Variants in ELOVL5 observed in about 807,000 individuals in gnomAD.
ELOVL5 encodes ELOVL fatty acid elongase 5, also known as very long chain fatty acid elongase 5.
Under a neutral mutation model 38.6 loss-of-function variants are expected in ELOVL5, and 8 were observed. The observed-to-expected ratio is 0.21, with a 90% CI of 0.12 to 0.37. ELOVL5 has a LOEUF of 0.37. ELOVL5 is among the 10% of genes least tolerant of loss of function. ELOVL5 has a pLI of 1.00. For missense variants in ELOVL5, 280 were observed against 367.8 expected, an observed-to-expected ratio of 0.76 and a Z score of 1.95; for synonymous variants, 127 against 133.7, an observed-to-expected ratio of 0.95 and a Z score of 0.34.
intron 3 of ELOVL5, among the ~76,000 whole-genome samples, chr6:53,288,822 T>G (rs573897277): frequency 1.3e-4 from 20 of 152,310 alleles, no homozygotes; most frequent in Middle Eastern, 3.4e-3. Flanking sequence ...TCTCAGCACT[T>G]TGGGAGGCAG....
At chr6:53,319,012 A>G (rs1768168334) in intron 1 of ELOVL5, among the ~76,000 whole-genome samples, 1 of 152,076 alleles carries the variant, frequency 6.6e-6, no homozygotes, top group Non-Finnish European at 1.5e-5. Flanking sequence ...GGCCGGGTGC[A>G]GTGGCTCATG....
intron 5 of ELOVL5, 106 bp downstream of exon 5, chr6:53,274,984 A>C: frequency 9.0e-7 from 1 of 1,107,080 alleles, no homozygotes; most frequent in Non-Finnish European, 1.3e-6. Flanking sequence ...CAAAGCTGAA[A>C]GCCTGACCTA....
rs758134497 is a variant in ELOVL5, at chr6:53,276,271, A to C, written c.247-15T>G. On this transcript the variant is annotated splice_polypyrimidine_tract_variant and intron_variant, in intron 3 of 7. Coordinates refer to ENST00000304434, the MANE Select transcript of ELOVL5 (RefSeq NM_021814.5). ...CCTGTTACTAACTAAAAAAGAAGAAAGAGCCAGTCACCAACAGCATCTGAG... is the reference window on the plus strand; with the variant it reads ...CCTGTTACTAACTAAAAAAGAAGAACGAGCCAGTCACCAACAGCATCTGAG... 128 of 1,559,958 alleles carry C rather than the reference A, an allele frequency of 8.2e-5. No homozygotes were observed. Among genetic ancestry groups the C allele is most frequent in the Non-Finnish European group, 1.1e-4 (124 of 1,131,104 alleles).
intron 1 of ELOVL5, among the ~76,000 whole-genome samples, chr6:53,328,802 C>A (rs1283301278): frequency 1.3e-5 from 2 of 152,120 alleles, no homozygotes; most frequent in African/African-American, 4.8e-5. Flanking sequence ...GCTATTAATG[C>A]TACACTGAGA....
Position 53,268,802 on chromosome 6 carries a change from TAC to T in ELOVL5, c.*323_*324del, listed in dbSNP as rs1303240010. ...TACAGTTAAAAAAAAAAGTTTGGATTACAGTGTTTTTAAATTGTGAATCACAA... is the reference window on the plus strand; with the variant it reads ...TACAGTTAAAAAAAAAAGTTTGGATTAGTGTTTTTAAATTGTGAATCACAA... On this transcript the variant is annotated 3_prime_UTR_variant, in exon 8 of 8. Coordinates refer to ENST00000304434, the MANE Select transcript of ELOVL5 (RefSeq NM_021814.5). 5.1e-6 allele frequency: 1 copy of T among 194,778 alleles called. No homozygotes were observed. The highest frequency in any genetic ancestry group is 1.0e-5 in the Non-Finnish European group (1 of 96,488). 12.1% of individuals were successfully genotyped at this position (194,778 alleles called of 1,614,324 possible).
At chr6:53,314,249 C>T (rs209490) in intron 1 of ELOVL5, among the ~76,000 whole-genome samples, 60,097 of 152,016 alleles carry the variant, frequency 0.4, 14,101 homozygotes, top group East Asian at 0.58. Context: ...CAATTCTCTG[C>T]AAGTACCAAA....
chr6:53,275,296 C>T (rs750696580), intron 4 of ELOVL5, 35 bp from the exon 5 acceptor site: 1 of 1,598,446 alleles, frequency 6.3e-7, no homozygotes. Context: ...AAGGCTTATC[C>T]TCACGGCTTC....
At chr6:53,347,853 G>A (rs1035713516) in intron 1 of ELOVL5, among the ~76,000 whole-genome samples, 1 of 152,192 alleles carries the variant, frequency 6.6e-6, no homozygotes, top group African/African-American at 2.4e-5. Context: ...AACACGGAAC[G>A]GTTGCAAGAC....
At position 53,321,368 on chromosome 6, in the gene ELOVL5, T is replaced by C. The variant is rs185273863; in HGVS notation, c.-8-25661A>G. Among the ~76,000 whole-genome samples, 12 of 152,370 alleles carry C rather than the reference T, an allele frequency of 7.9e-5. 1 individual carries two copies. In the East Asian group the frequency reaches 2.1e-3, roughly 27 times the overall value. ...CCAGCAATCATTTTCATGAACCTAA[T>C]TTGACTTCTGAAGCAACATTTATAT... On this transcript the variant is annotated intron_variant, in intron 1 of 7. Transcript: ENST00000304434.
intron 2 of ELOVL5, among the ~76,000 whole-genome samples, chr6:53,293,159 T>G (rs975400608): frequency 2.0e-5 from 3 of 152,118 alleles, no homozygotes; most frequent in Non-Finnish European, 2.9e-5. Flanking sequence ...TGAACCCTGC[T>G]ATGATGTTCC....
intron 7 of ELOVL5, 35 bp from the exon 8 acceptor site, chr6:53,269,305 C>CTA (rs1680926328): frequency 7.4e-7 from 1 of 1,347,148 alleles, no homozygotes; most frequent in African/African-American, 3.0e-5. Flanking sequence ...AACCAAATGA[C>CTA]CACAGTTTTC....
chr6:53,330,191 A>G (rs1768729944), intron 1 of ELOVL5, among the ~76,000 whole-genome samples: 1 of 152,182 alleles, frequency 6.6e-6, no homozygotes, highest in East Asian at 1.9e-4. Flanking sequence ...TTGGCATGTT[A>G]CTATACTGAA....
chr6:53,313,529 T>C (rs1767922856), intron 1 of ELOVL5, among the ~76,000 whole-genome samples: 1 of 151,248 alleles, frequency 6.6e-6, no homozygotes, highest in African/African-American at 2.4e-5. Context: ...TCCCAGCTAA[T>C]TAAAAAAAAA....
intron 3 of ELOVL5, among the ~76,000 whole-genome samples, chr6:53,285,220 G>C (rs1766522297): frequency 6.6e-6 from 1 of 152,212 alleles, no homozygotes; most frequent in East Asian, 1.9e-4. Context: ...GAAATTAAAA[G>C]TGCTACTCGT....
At chr6:53,294,475 G>T in intron 2 of ELOVL5, 3 of 1,550,112 alleles carry the variant, frequency 1.9e-6, no homozygotes, top group Non-Finnish European at 2.6e-6. Flanking sequence ...CCATTCTGAG[G>T]ACAGAGCTGC....
intron 1 of ELOVL5, among the ~76,000 whole-genome samples, chr6:53,301,851 T>G (rs1561875496): frequency 1.3e-5 from 2 of 152,170 alleles, no homozygotes; most frequent in Admixed American, 6.5e-5. Context: ...ATATTATAAT[T>G]GTGTCTCATT....
intron 1 of ELOVL5, among the ~76,000 whole-genome samples, chr6:53,328,098 A>AAATG (rs760497956): frequency 6.6e-6 from 1 of 152,246 alleles, no homozygotes; most frequent in Non-Finnish European, 1.5e-5. Flanking sequence ...ACTCTTGTTA[A>AAATG]AATGAATGAA....
chr6:53,320,480 C>T (rs1244918481), intron 1 of ELOVL5, among the ~76,000 whole-genome samples: 6 of 152,104 alleles, frequency 3.9e-5, no homozygotes, highest in East Asian at 2.0e-4. Context: ...GGACTACAAG[C>T]ACCCACCACC....
chr6:53,326,985 T>C (rs1581984565), intron 1 of ELOVL5, among the ~76,000 whole-genome samples: 2 of 152,208 alleles, frequency 1.3e-5, no homozygotes, highest in Admixed American at 6.5e-5. Context: ...CAGACAGTTA[T>C]GGGTGACGCT....
Sources: gnomAD v4.1 joint callset for allele counts (sites outside exome capture counted in the v4.1 genomes callset) on GRCh38, gnomAD v4.1.1 for gene constraint, MANE v1.5 for transcripts, NCBI Gene and HGNC (gene_info 2026-07-23, HGNC 2026-07-21) for gene names.